Variants in SH3YL1 observed in about 807,000 individuals in gnomAD.
The protein encoded by SH3YL1 is SH3 and SYLF domain containing 1, also known as SH3 domain-containing YSC84-like protein 1.
SH3YL1 carries 41 observed loss-of-function variants against 45.8 expected under a neutral mutation model. That is an observed-to-expected ratio of 0.89 (90% CI 0.70 to 1.16). SH3YL1 has a LOEUF of 1.16. SH3YL1 is among the 50% of genes most tolerant of loss of function. The pLI is 0.00. For synonymous variants in SH3YL1, 152 were observed against 151.4 expected (o/e 1.00, Z -0.03); for missense variants, 389 against 409.6 (o/e 0.95, Z 0.43).
chr2:240,800 C>T (rs553348195), intron 4 of SH3YL1: 1 of 152,398 alleles, frequency 6.6e-6, no homozygotes, highest in East Asian at 1.9e-4. Context: ...CTCAGGAAAA[C>T]TATATGCATG....
At chr2:263,373 C>G (rs756353466) in intron 1 of SH3YL1, 1 of 154,616 alleles carries the variant, frequency 6.5e-6, no homozygotes, top group Non-Finnish European at 1.4e-5. Context: ...TCCACACTTC[C>G]TTAAAGAAGG....
In SH3YL1 at chr2:231,044, T is replaced by C; in HGVS notation, c.681A>G (p.Ala227=). Residue 227 remains alanine, a synonymous_variant, in exon 7 of 10, where the codon GCA becomes GCG. Coordinates refer to ENST00000356150, the MANE Select transcript of SH3YL1 (RefSeq NM_015677.4). Reference sequence around the variant, plus strand: ...GTACAGAAGACTTCCTCTGCTCCCTTGCTGCTTTTCTTGCATTGATTCGTT... The same window carrying C: ...GTACAGAAGACTTCCTCTGCTCCCTCGCTGCTTTTCTTGCATTGATTCGTT... ...EGQRINARKA[A]REQRKSSAKE... The C allele has an allele frequency of 6.2e-7, 1 of 1,614,136 alleles. No individual in the cohort carries two copies. The highest frequency in any genetic ancestry group is 8.5e-7 in the Non-Finnish European group (1 of 1,180,018).
In SH3YL1 at chr2:218,782, A is replaced by T. The variant is rs1403405288; in HGVS notation, c.*29T>A. The T allele has an allele frequency of 3.3e-6, 5 of 1,508,704 alleles. No homozygotes were observed. Among genetic ancestry groups the T allele is most frequent in the Admixed American group, 2.1e-5 (1 of 48,772 alleles). 93.5% of individuals were successfully genotyped at this position (1,508,704 alleles called of 1,614,324 possible). A position where few individuals can be genotyped will look rare whatever the true frequency, so the allele number is the denominator to read the frequency against. The stretch of plus-strand genomic sequence containing the variant: ...GTCAGTGTAGAAATAATTTTTTTGT[A>T]ATTCTCAAAGAAGAAAATAGTATAC... On this transcript the variant is annotated 3_prime_UTR_variant, in exon 10 of 10. Transcript: ENST00000356150.
chr2:237,845 C>G (rs947142191), intron 4 of SH3YL1, among the ~76,000 whole-genome samples: 67 of 152,142 alleles, frequency 4.4e-4, no homozygotes, highest in Non-Finnish European at 8.5e-4. Flanking sequence ...AAAAATAAAA[C>G]TGAATAACTC....
At chr2:243,615 T>C (rs1315602178) in intron 4 of SH3YL1, 4 of 1,508,396 alleles carry the variant, frequency 2.7e-6, no homozygotes, top group East Asian at 5.0e-5. Context: ...CCTATCAACA[T>C]GGACGAAGAA....
In SH3YL1 at chr2:231,026, A is replaced by C. The variant is rs1668012684; in HGVS notation, c.699T>G (p.Ser233=). ...GAAACATAAAACCAAACGGTACAGA[A>C]GACTTCCTCTGCTCCCTTGCTGCTT... is the stretch of plus-strand genomic sequence containing the variant. The part of the protein sequence containing the change: ...ARKAAREQRK[S]SAKELPPKPL... The change falls in exon 7 of 10, where the codon TCT becomes TCG. Residue 233 remains serine, a synonymous_variant. Coordinates refer to ENST00000356150, the MANE Select transcript of SH3YL1 (RefSeq NM_015677.4). 2 of 1,613,928 alleles carry C rather than the reference A, an allele frequency of 1.2e-6. No individual in the cohort carries two copies. Among genetic ancestry groups the C allele is most frequent in the African/African-American group, 2.7e-5 (2 of 74,908 alleles).
At chr2:254,977 G>T (rs915016220) in intron 1 of SH3YL1, among the ~76,000 whole-genome samples, 1 of 152,142 alleles carries the variant, frequency 6.6e-6, no homozygotes, top group Non-Finnish European at 1.5e-5. Context: ...AAGTTGTCCC[G>T]CCTTTCTGGA....
At chr2:235,627 T>TCAGGGGAGGCAGCAGCATGGGC (rs1216822829) in intron 4 of SH3YL1, among the ~76,000 whole-genome samples, 1 of 23,446 alleles carries the variant, frequency 4.3e-5, no homozygotes, top group Non-Finnish European at 7.5e-5. Flanking sequence ...GCAGCATGGG[T>TCAGGGGAGGCAGCAGCATGGGC]CAGGGGAGGC....
intron 4 of SH3YL1, among the ~76,000 whole-genome samples, chr2:234,737 T>C (rs62114503): frequency 0.063 from 9,526 of 152,242 alleles, 459 homozygotes; most frequent in Non-Finnish European, 0.096. Context: ...TGAGAGCCTT[T>C]CTACACTCTC....
intron 9 of SH3YL1, among the ~76,000 whole-genome samples, chr2:223,120 C>A (rs1667643431): frequency 6.6e-6 from 1 of 152,196 alleles, no homozygotes; most frequent in African/African-American, 2.4e-5. Context: ...TCCTCAAATA[C>A]AAACACAGAA....
Position 219,005 on chromosome 2 carries a change from A to C in SH3YL1, c.839-4T>G. ...TCTATGGGTTGATTCAAATTGCCTG[A>C]AACAAGAAAAAAGTATTCACGTTTA... On this transcript the variant is annotated splice_region_variant and splice_polypyrimidine_tract_variant and intron_variant, in intron 9 of 9. Coordinates refer to ENST00000356150, the MANE Select transcript of SH3YL1 (RefSeq NM_015677.4). 6.2e-7 allele frequency: 1 copy of C among 1,601,682 alleles called. No individual in the cohort carries two copies. The highest frequency in any genetic ancestry group is 8.5e-7 in the Non-Finnish European group (1 of 1,174,454).
chr2:221,811 G>C (rs1381640652), intron 9 of SH3YL1, among the ~76,000 whole-genome samples: 1 of 152,166 alleles, frequency 6.6e-6, no homozygotes, highest in Non-Finnish European at 1.5e-5. Flanking sequence ...AGTGAGGCCA[G>C]CAGATCCAGG....
At chr2:232,810 T>C (rs1007996596) in intron 6 of SH3YL1, 16 of 180,830 alleles carry the variant, frequency 8.8e-5, no homozygotes, top group South Asian at 1.9e-4. Flanking sequence ...TCATCATATA[T>C]GGCAAAACAA....
At chr2:242,094 T>C (rs1668570083) in intron 4 of SH3YL1, 1 of 152,058 alleles carries the variant, frequency 6.6e-6, no homozygotes, top group African/African-American at 2.4e-5. Context: ...TATAGAAATA[T>C]TATATACTAG....
At chr2:264,430 G>C, upstream of SH3YL1, 1 of 187,728 alleles carries the variant, frequency 5.3e-6, no homozygotes, top group Non-Finnish European at 1.1e-5. Context: ...CCCAACCCAG[G>C]TGGGCGGCCC....
At chr2:264,050 C>T (rs914858751), upstream of SH3YL1, 33 of 1,361,644 alleles carry the variant, frequency 2.4e-5, no homozygotes, top group African/African-American at 3.7e-4. Flanking sequence ...CGCTGCCCCG[C>T]CCCGCGGACA....
intron 9 of SH3YL1, among the ~76,000 whole-genome samples, chr2:223,979 G>T (rs1206678266): frequency 6.6e-6 from 1 of 152,186 alleles, no homozygotes; most frequent in Non-Finnish European, 1.5e-5. Context: ...CTGCTTAAGA[G>T]ACCTTTTCAA....
At chr2:255,674 G>A (rs576306093) in intron 1 of SH3YL1, among the ~76,000 whole-genome samples, 57 of 152,298 alleles carry the variant, frequency 3.7e-4, no homozygotes, top group African/African-American at 1.3e-3. Flanking sequence ...TTTAAAAGAT[G>A]TCAGTATCAG....
At chr2:254,001 A>C in intron 1 of SH3YL1, among the ~76,000 whole-genome samples, 1 of 152,122 alleles carries the variant, frequency 6.6e-6, no homozygotes. Context: ...GTTAAACAAA[A>C]CCTGGCCAAA....
Sources: gnomAD v4.1 joint callset for allele counts (sites outside exome capture counted in the v4.1 genomes callset) on GRCh38, gnomAD v4.1.1 for gene constraint, MANE v1.5 for transcripts, NCBI Gene and HGNC (gene_info 2026-07-23, HGNC 2026-07-21) for gene names.